CYP24A1: variants seen among roughly 807,000 people sequenced by gnomAD.
CYP24A1 encodes 1,25-dihydroxyvitamin D(3) 24-hydroxylase, mitochondrial.
Under a neutral mutation model 62.4 loss-of-function variants are expected in CYP24A1, and 68 were observed. The ratio of observed to expected loss-of-function variants is 1.09; its 90% CI spans 0.90 to 1.33. CYP24A1 has a LOEUF of 1.33. Ranked by LOEUF, CYP24A1 falls within the 40% of genes most tolerant of loss-of-function variation. The pLI is 0.00. For synonymous variants in CYP24A1, 267 were observed against 253.0 expected, an observed-to-expected ratio of 1.06 and a Z score of -0.52; for missense variants, 787 against 653.0, an observed-to-expected ratio of 1.21 and a Z score of -2.24.
chr20:54,157,464 A>T lies in CYP24A1; in HGVS notation c.1358T>A (p.Leu453His). 1.3e-6 allele frequency: 2 copies of T among 1,595,492 alleles called. No individual in the cohort carries two copies. Among genetic ancestry groups the T allele is most frequent in the Non-Finnish European group, 1.7e-6 (2 of 1,162,928 alleles). Reference sequence around the variant, plus strand: ...CATTCTTTTTCCAACGCCAAATGGAAGATGCGCAAAAGGATTAATTTTTTC... The same window carrying T: ...CATTCTTTTTCCAACGCCAAATGGATGATGCGCAAAAGGATTAATTTTTTC... ...EKEKINPFAHLPFGVGKRMCI... is the reference protein window; with the variant it reads ...EKEKINPFAHHPFGVGKRMCI... The change falls in exon 10 of 12, where the codon CTT (leucine) becomes CAT (histidine). Residue 453 changes from leucine to histidine, a missense_variant. By Grantham distance (99) the Leu-to-His change is moderately conservative (BLOSUM62 -3). Coordinates refer to ENST00000216862, the MANE Select transcript of CYP24A1 (RefSeq NM_000782.5).
chr20:54,168,505 G>C (rs908753878), intron 4 of CYP24A1, among the ~76,000 whole-genome samples: 1 of 152,020 alleles, frequency 6.6e-6, no homozygotes, highest in Non-Finnish European at 1.5e-5. Flanking sequence ...CCTCAAACTC[G>C]GCGCTCATGC....
At chr20:54,158,448 G>A (rs752068189) in intron 8 of CYP24A1, among the ~76,000 whole-genome samples, 4 of 152,120 alleles carry the variant, frequency 2.6e-5, no homozygotes, top group South Asian at 2.1e-4. Flanking sequence ...GTATGTTTCC[G>A]TGCTAGCCCT....
intron 2 of CYP24A1, 113 bp downstream of exon 2, chr20:54,172,796 A>G (rs1362370214): frequency 6.3e-6 from 10 of 1,575,478 alleles, no homozygotes; most frequent in Non-Finnish European, 7.7e-6. Context: ...TATCCGCCCT[A>G]CGTAAGAAGC....
intron 6 of CYP24A1, 149 bp downstream of exon 6, chr20:54,164,303 G>A: frequency 6.9e-7 from 1 of 1,455,926 alleles, no homozygotes; most frequent in Non-Finnish European, 9.4e-7. Flanking sequence ...TAGAATTTGT[G>A]TATGCTGGGG....
At chr20:54,143,625 T>C in the CYP24A1 span, among the ~76,000 whole-genome samples, 8 of 152,126 alleles carry the variant, frequency 5.3e-5, no homozygotes, top group Non-Finnish European at 1.0e-4. Context: ...AGTTCTTTAA[T>C]GGTGATTTTG....
chr20:54,157,511 A>T lies in CYP24A1; in HGVS notation c.1311T>A (p.Pro437=). The T allele has an allele frequency of 3.8e-6, 6 of 1,599,510 alleles. No homozygotes were observed. Among genetic ancestry groups the T allele is most frequent in the Non-Finnish European group, 5.1e-6 (6 of 1,166,682 alleles). Reference sequence around the variant, plus strand: ...TTTCCTTCTCCTGAAGCCAACGTTCAGGTCTAAACTGACTTGAATCTTCAA... The same window carrying T: ...TTTCCTTCTCCTGAAGCCAACGTTCTGGTCTAAACTGACTTGAATCTTCAA... ...DNFEDSSQFR[P]ERWLQEKEKI... is the part of the protein sequence containing the mutation. Residue 437 remains proline, a synonymous_variant, in exon 10 of 12, where the codon CCT becomes CCA. Coordinates refer to ENST00000216862, the MANE Select transcript of CYP24A1 (RefSeq NM_000782.5).
At chr20:54,161,367 G>A (rs148073577) in intron 7 of CYP24A1, among the ~76,000 whole-genome samples, 48 of 152,066 alleles carry the variant, frequency 3.2e-4, no homozygotes, top group African/African-American at 1.1e-3. Flanking sequence ...TCCTGATGGC[G>A]TCCTCCACAA....
intron 2 of CYP24A1, chr20:54,172,000 A>C: frequency 2.5e-6 from 1 of 396,694 alleles, no homozygotes; most frequent in South Asian, 2.2e-5. Flanking sequence ...CCTAGCGGTA[A>C]AAGGGGGCAT....
downstream of CYP24A1, among the ~76,000 whole-genome samples, chr20:54,150,137 G>C (rs2092610389): frequency 1.3e-5 from 2 of 152,190 alleles, no homozygotes; most frequent in South Asian, 4.1e-4. Flanking sequence ...GCATAAATGG[G>C]TTAATGAGGG....
chr20:54,170,949 A>G (rs1426172926), intron 3 of CYP24A1, among the ~76,000 whole-genome samples: 4 of 152,216 alleles, frequency 2.6e-5, no homozygotes, highest in African/African-American at 9.6e-5. Context: ...CAAATACCTT[A>G]GTATAATACA....
intron 4 of CYP24A1, among the ~76,000 whole-genome samples, chr20:54,166,338 A>G (rs545818807): frequency 1.4e-4 from 21 of 152,134 alleles, no homozygotes; most frequent in Admixed American, 5.9e-4. Flanking sequence ...TCATCATTTT[A>G]TTTAGAAGGA....
intron 5 of CYP24A1, 53 bp downstream of exon 5, chr20:54,165,689 T>C (rs935853428): frequency 1.1e-6 from 1 of 921,684 alleles, no homozygotes; most frequent in Non-Finnish European, 1.8e-6. Flanking sequence ...TCTGTAAAAA[T>C]CGATCTGTAA....
chr20:54,143,618 T>C, the CYP24A1 span, among the ~76,000 whole-genome samples: 1 of 152,120 alleles, frequency 6.6e-6, no homozygotes, highest in African/African-American at 2.4e-5. Context: ...ATGAGTAAGT[T>C]CTTTAATGGT....
Position 54,173,710 on chromosome 20 carries a change from G to C in CYP24A1, c.-131C>G, listed in dbSNP as rs1272376630. The C allele has an allele frequency of 2.3e-5, 15 of 653,544 alleles. No individual in the cohort carries two copies. 40.5% of individuals were successfully genotyped at this position (653,544 alleles called of 1,614,324 possible). A position where few individuals can be genotyped will look rare whatever the true frequency, so the allele number is the denominator to read the frequency against. On this transcript the variant is annotated 5_prime_UTR_variant, in exon 1 of 12. Transcript: ENST00000216862. This position sits in a 1 kb window ranked among gnomAD's most constrained non-coding sequence, Gnocchi z 7.2. ...GCAAAGAGGGCCAGCTGGTGTGATG[G>C]AGCGGGGTGAGGCGGGACAGGCAGC...
rs1335428479 is a variant in CYP24A1, at chr20:54,154,343, C to T, written c.*429G>A. The stretch of plus-strand genomic sequence containing the variant: ...CGCAATTTCATGGGAGGCCTGATAA[C>T]TTTAACCATCATTTAGCTTGGCTTA... On this transcript the variant is annotated 3_prime_UTR_variant, in exon 12 of 12. Transcript: ENST00000216862. 1 of 152,160 alleles carries T rather than the reference C, an allele frequency of 6.6e-6. No homozygotes were observed. Among genetic ancestry groups the T allele is most frequent in the Non-Finnish European group, 1.5e-5 (1 of 68,022 alleles). The allele number at this position is 152,160 out of a possible 1,614,324, so 9.4% of individuals were successfully genotyped here.
chr20:54,148,369 G>GACACACACACACACACACACACACAC, the CYP24A1 span, among the ~76,000 whole-genome samples: 1 of 133,378 alleles, frequency 7.5e-6, no homozygotes, highest in Non-Finnish European at 1.6e-5. Context: ...CAGACACACA[G>GACACACACACACACACACACACACAC]ACACACACAC....
chr20:54,158,840 G>A, intron 8 of CYP24A1, 117 bp downstream of exon 8: 1 of 1,554,316 alleles, frequency 6.4e-7, no homozygotes, highest in Non-Finnish European at 8.7e-7. Flanking sequence ...TTTTTGCAGT[G>A]TGATAATTGT....
the CYP24A1 span, among the ~76,000 whole-genome samples, chr20:54,148,369 G>GACACAGACACACACAC: frequency 1.5e-5 from 2 of 133,378 alleles, no homozygotes; most frequent in Non-Finnish European, 3.2e-5. Flanking sequence ...CAGACACACA[G>GACACAGACACACACAC]ACACACACAC....
At chr20:54,172,812 ACC>A in intron 2 of CYP24A1, 95 bp downstream of exon 2, 1 of 1,594,938 alleles carries the variant, frequency 6.3e-7, no homozygotes, top group Non-Finnish European at 8.5e-7. Flanking sequence ...GAAGCTTCCA[ACC>A]CCAGGGAACT....
Sources: gnomAD v4.1 joint callset for allele counts (sites outside exome capture counted in the v4.1 genomes callset) on GRCh38, gnomAD v4.1.1 for gene constraint, Gnocchi (gnomAD v3.1) non-coding constraint, MANE v1.5 for transcripts, NCBI Gene and HGNC (gene_info 2026-07-23, HGNC 2026-07-21) for gene names.